CEP192: variants seen among roughly 807,000 people sequenced by gnomAD.
CEP192 encodes the protein centrosomal protein 192.
CEP192 carries 151 observed loss-of-function variants against 271.8 expected under a neutral mutation model. That is an observed-to-expected ratio of 0.56 (90% confidence interval 0.49 to 0.64). The LOEUF (loss-of-function observed/expected upper bound fraction) is 0.64, where lower values mean the gene tolerates loss of function less well. Ranked by LOEUF, CEP192 falls within the 30% of genes least tolerant of loss-of-function variation. The probability of loss-of-function intolerance (pLI) is 0.00; values close to 1 mark genes in which losing one functional copy is unlikely to be tolerated. For synonymous variants in CEP192, 995 were observed against 1,076.5 expected, an observed-to-expected ratio of 0.92 and a Z score of 1.48; for missense variants, 2,910 against 3,020.5, an observed-to-expected ratio of 0.96 and a Z score of 0.86.
chr18:13,064,472 C>T (rs907587956), intron 21 of CEP192, among the ~76,000 whole-genome samples: 3 of 152,060 alleles, frequency 2.0e-5, no homozygotes, highest in East Asian at 3.9e-4. Context: ...ATTAGCCAGG[C>T]GTGGTGGCGG....
rs772116101 is a variant in CEP192, at chr18:13,030,488, G to T, written c.1414G>T (p.Val472Phe). ...AGAAACAGATCTCCCACAGAGTGTG[G>T]TCTATCAAAATGAAGAGGGTAGGTG... Reference protein sequence around the residue: ...KDKTDLPQSVVYQNEEGRWVT... With the variant: ...KDKTDLPQSVFYQNEEGRWVT... Residue 472 changes from valine to phenylalanine, a missense_variant, in exon 11 of 45, where the codon GTC becomes TTC. Coordinates refer to ENST00000506447, the MANE Select transcript of CEP192 (RefSeq NM_032142.4). 3.7e-6 allele frequency: 6 copies of T among 1,610,408 alleles called. No individual in the cohort carries two copies. The highest frequency in any genetic ancestry group is 5.1e-6 in the Non-Finnish European group (6 of 1,178,088).
chr18:13,003,729 G>T (rs1269849236), intron 3 of CEP192, among the ~76,000 whole-genome samples: 1 of 152,152 alleles, frequency 6.6e-6, no homozygotes, highest in Non-Finnish European at 1.5e-5. Flanking sequence ...GAGCCCAGGA[G>T]ATCCAGGCTG....
At chr18:13,111,618 A>G (rs1598634338) in intron 40 of CEP192, among the ~76,000 whole-genome samples, 1 of 152,222 alleles carries the variant, frequency 6.6e-6, no homozygotes, top group Admixed American at 6.5e-5. Context: ...ACAAGCCACA[A>G]AAGAGAAAAT....
intron 2 of CEP192, chr18:13,000,230 TTA>T (rs1338790851): frequency 7.2e-6 from 1 of 138,462 alleles, no homozygotes. Flanking sequence ...AGTGTTGGTA[TTA>T]CACAGGTGTG....
At chr18:13,009,787 C>T (rs901991294) in intron 4 of CEP192, among the ~76,000 whole-genome samples, 2 of 152,134 alleles carry the variant, frequency 1.3e-5, no homozygotes, top group Non-Finnish European at 2.9e-5. Flanking sequence ...AAGCCGAGAT[C>T]GTGCCACTGT....
intron 2 of CEP192, 50 bp downstream of exon 2, chr18:12,999,638 A>G (rs746075107): frequency 1.1e-5 from 15 of 1,310,656 alleles, no homozygotes; most frequent in Middle Eastern, 3.8e-4. Flanking sequence ...AGCCTATAGC[A>G]TGCTGATATT....
rs2039336458 is a variant in CEP192 at position 13,095,266 on chromosome 18, T to G, written c.6255-237T>G. Among the ~76,000 whole-genome samples the G allele has an allele frequency of 3.9e-5, 6 of 152,316 alleles. No individual in the cohort carries two copies. In the South Asian group the frequency reaches 1.2e-3, roughly 32 times the overall value. On this transcript the variant is annotated intron_variant, in intron 34 of 44. Coordinates refer to ENST00000506447, the MANE Select transcript of CEP192 (RefSeq NM_032142.4). Reference sequence around the variant, plus strand: ...ATCCTCCCGCCTCGGCCTCCCAAAGTGCTGGGATTATAGGCATGATCCACC... The same window carrying G: ...ATCCTCCCGCCTCGGCCTCCCAAAGGGCTGGGATTATAGGCATGATCCACC...
Position 13,069,160 on chromosome 18 carries a change from T to A in CEP192, c.5034T>A (p.Ile1678=). The stretch of plus-strand genomic sequence containing the variant: ...TACCTTTGAAAAATGCTGGGAACAT[T>A]GAAGTTTATTTGGATATCAAGGTAT... ...QHLPLKNAGN[I]EVYLDIKVPE... Residue 1678 remains isoleucine (I), a synonymous_variant, in exon 26 of 45, where the codon ATT becomes ATA. Coordinates refer to ENST00000506447, the MANE Select transcript of CEP192 (RefSeq NM_032142.4). 6.2e-7 allele frequency: 1 copy of A among 1,614,038 alleles called. No individual in the cohort carries two copies. Among genetic ancestry groups the A allele is most frequent in the Non-Finnish European group, 8.5e-7 (1 of 1,179,920 alleles).
At chr18:13,072,110 C>T (rs139881764) in intron 28 of CEP192, among the ~76,000 whole-genome samples, 2,345 of 152,262 alleles carry the variant, frequency 0.015, 36 homozygotes, top group Middle Eastern at 0.051. Context: ...GTGGATGAGA[C>T]GTAGACCTCA....
intron 44 of CEP192, among the ~76,000 whole-genome samples, chr18:13,122,318 A>C (rs2040703301): frequency 6.6e-6 from 1 of 152,230 alleles, no homozygotes; most frequent in African/African-American, 2.4e-5. Flanking sequence ...GCTACTCAGG[A>C]GGCTGAGGCA....
chr18:13,069,953 G>T, intron 27 of CEP192, 97 bp downstream of exon 27: 1 of 685,254 alleles, frequency 1.5e-6, no homozygotes. Context: ...CTGAGGTCAG[G>T]AGTTCGAGAC....
In CEP192 at chr18:13,073,013, A is replaced by G. The variant is rs1326432109; in HGVS notation, c.5444A>G (p.Gln1815Arg). The G allele has an allele frequency of 6.2e-7, 1 of 1,604,706 alleles. No homozygotes were observed. The highest frequency in any genetic ancestry group is 8.5e-7 in the Non-Finnish European group (1 of 1,176,794). Residue 1815 changes from glutamine to arginine, a missense_variant, in exon 30 of 45, where the codon CAG becomes CGG. Gln to Arg is a conservative substitution (Grantham distance 43). Coordinates refer to ENST00000506447, the MANE Select transcript of CEP192 (RefSeq NM_032142.4). ...RGQDQDCFQLQNTFGSEQRLT... is the reference protein window; with the variant it reads ...RGQDQDCFQLRNTFGSEQRLT... The stretch of plus-strand genomic sequence containing the variant: ...TTAACTGTTTTTAAATTGTAGCTTC[A>G]GAACACTTTTGGTTCAGAACAGCGA...
intron 33 of CEP192, 29 bp from the exon 34 acceptor site, chr18:13,092,348 T>C: frequency 1.4e-6 from 2 of 1,469,606 alleles, no homozygotes. Flanking sequence ...TGAACATTCA[T>C]GTATTTCAAA....
intron 15 of CEP192, among the ~76,000 whole-genome samples, chr18:13,044,890 T>C (rs1480158933): frequency 3.3e-5 from 5 of 152,166 alleles, no homozygotes; most frequent in African/African-American, 1.2e-4. Flanking sequence ...ATCACCTGAG[T>C]CTGGTATATT....
At chr18:13,114,326 T>C in intron 42 of CEP192, 75 bp downstream of exon 42, 1 of 1,476,310 alleles carries the variant, frequency 6.8e-7, no homozygotes, top group Non-Finnish European at 9.2e-7. Flanking sequence ...AAATGCTCGA[T>C]GACTTTACCT....
intron 11 of CEP192, among the ~76,000 whole-genome samples, chr18:13,031,165 C>G (rs1181890994): frequency 6.6e-6 from 1 of 151,750 alleles, no homozygotes; most frequent in African/African-American, 2.4e-5. Flanking sequence ...TGCTATGCTG[C>G]AACCCTCAGG....
At chr18:13,065,085 G>A (rs2044985125) in intron 21 of CEP192, among the ~76,000 whole-genome samples, 1 of 151,658 alleles carries the variant, frequency 6.6e-6, no homozygotes, top group African/African-American at 2.4e-5. Flanking sequence ...ACATAGTTCA[G>A]TGCTGGCATA....
In CEP192 at chr18:13,029,682, T is replaced by A; in HGVS notation, c.1070T>A (p.Val357Asp). 1 of 1,520,168 alleles carries A rather than the reference T, an allele frequency of 6.6e-7. No individual in the cohort carries two copies. Among genetic ancestry groups the A allele is most frequent in the Non-Finnish European group, 8.9e-7 (1 of 1,127,690 alleles). 94.2% of individuals were successfully genotyped at this position (1,520,168 alleles called of 1,614,324 possible). The change falls in exon 10 of 45, where the codon GTT becomes GAT. Residue 357 changes from valine to aspartate, a missense_variant. Physicochemically the swap from Val to Asp is radical, Grantham distance 152 (BLOSUM62 -3). Coordinates refer to ENST00000506447, the MANE Select transcript of CEP192 (RefSeq NM_032142.4). Reference protein sequence around the residue: ...DLNSECASKDVLVKTLRAIDV... With the variant: ...DLNSECASKDDLVKTLRAIDV... ...TTAAAGGAATGTGCAAGTAAAGATG[T>A]TCTGGTGAAGACCCTCAGGGCTATT...
Position 13,117,732 on chromosome 18 carries a change from C to T in CEP192, c.7475+89C>T. 6.6e-6 allele frequency: 6 copies of T among 911,784 alleles called. No homozygotes were observed. In the South Asian group the frequency reaches 8.4e-5, roughly 13 times the overall value. The allele number at this position is 911,784 out of a possible 1,614,324, so 56.5% of individuals were successfully genotyped here. A position where few individuals can be genotyped will look rare whatever the true frequency, so the allele number is the denominator to read the frequency against. On this transcript the variant is annotated intron_variant, in intron 44 of 44. Coordinates refer to ENST00000506447, the MANE Select transcript of CEP192 (RefSeq NM_032142.4). ...GGGGCTTGTGAGGTCTCCTCTGCTG[C>T]AGGTCCTCCATATTCCTCACCAGCA...
Sources: allele counts gnomAD v4.1 joint callset (sites outside exome capture counted in the v4.1 genomes callset), GRCh38; gene constraint gnomAD v4.1.1; transcripts MANE v1.5; gene names NCBI Gene and HGNC (gene_info 2026-07-23, HGNC 2026-07-21).